CORO7: variants seen among roughly 807,000 people sequenced by gnomAD.
The protein encoded by CORO7 is coronin 7.
A neutral mutation model predicts 126.6 loss-of-function variants in CORO7; 107 were observed. The ratio of observed to expected loss-of-function variants is 0.85; its 90% CI spans 0.72 to 0.99. CORO7 has a LOEUF of 0.99. Among genes scored for constraint, CORO7 ranks in the 50% least tolerant of loss-of-function variants. CORO7 has a pLI of 0.00. For missense variants in CORO7, 1,314 were observed against 1,255.8 expected, an observed-to-expected ratio of 1.05 and a Z score of -0.70; for synonymous variants, 603 against 536.8, an observed-to-expected ratio of 1.12 and a Z score of -1.70.
chr16:4,415,254 C>T (rs889207838), intron 1 of CORO7, among the ~76,000 whole-genome samples: 14 of 152,162 alleles, frequency 9.2e-5, no homozygotes, highest in African/African-American at 3.4e-4. Flanking sequence ...ACTCATCTGT[C>T]ACCATACTGC....
chr16:4,357,325 CG>C lies in CORO7; in HGVS notation c.2594-67del. The C allele has an allele frequency of 5.7e-6, 7 of 1,230,216 alleles. No individual in the cohort carries two copies. The Middle Eastern group carries it at 6.1e-4, about 106-fold the overall frequency. The allele number at this position is 1,230,216 out of a possible 1,614,324, so 76.2% of individuals were successfully genotyped here. A position where few individuals can be genotyped will look rare whatever the true frequency, so the allele number is the denominator to read the frequency against. ...TTAGGGCTCTTTGGTGCCAAGCCCT[CG>C]GGGATTTCTTTCTTTCTTTTCTTTC... On this transcript the variant is annotated intron_variant, in intron 25 of 27. Transcript: ENST00000251166.
chr16:4,378,511 A>G (rs1466409149), intron 9 of CORO7, among the ~76,000 whole-genome samples: 2 of 152,104 alleles, frequency 1.3e-5, no homozygotes, highest in African/African-American at 4.8e-5. Context: ...CCACATCTGG[A>G]GGCCAGGCCG....
intron 9 of CORO7, among the ~76,000 whole-genome samples, chr16:4,374,063 T>A (rs1191568295): frequency 6.6e-6 from 1 of 150,618 alleles, no homozygotes; most frequent in Non-Finnish European, 1.5e-5. Flanking sequence ...TTGCGTGAGT[T>A]CTTGGAGAAG....
At chr16:4,391,958 C>T (rs1274833943) in intron 7 of CORO7, among the ~76,000 whole-genome samples, 1 of 152,208 alleles carries the variant, frequency 6.6e-6, no homozygotes, top group Non-Finnish European at 1.5e-5. Flanking sequence ...CCTTCATCAC[C>T]ATGGCGACAC....
intron 7 of CORO7, among the ~76,000 whole-genome samples, chr16:4,393,222 A>G (rs2055460587): frequency 6.6e-6 from 1 of 152,194 alleles, no homozygotes; most frequent in Non-Finnish European, 1.5e-5. Flanking sequence ...GCAACCTGAG[A>G]AAGTGAAGGG....
chr16:4,360,202 C>T, intron 21 of CORO7, 76 bp downstream of exon 21: 8 of 1,593,834 alleles, frequency 5.0e-6, no homozygotes, highest in Non-Finnish European at 6.9e-6. Flanking sequence ...GAAAGCCTGA[C>T]AAATGTATGT....
At chr16:4,408,303 T>C in intron 3 of CORO7, 52 bp from the exon 4 acceptor site, 1 of 1,613,238 alleles carries the variant, frequency 6.2e-7, no homozygotes, top group Non-Finnish European at 8.5e-7. Flanking sequence ...TCCAACCCAG[T>C]ATGAAGCAAA....
chr16:4,394,168 G>A (rs775027607), intron 7 of CORO7, among the ~76,000 whole-genome samples: 13 of 150,348 alleles, frequency 8.6e-5, no homozygotes, highest in African/African-American at 1.5e-4. Flanking sequence ...AATGGTGGCC[G>A]GACACGGTGG....
chr16:4,382,627 G>T (rs374950103), intron 9 of CORO7: 2 of 1,571,808 alleles, frequency 1.3e-6, no homozygotes, highest in South Asian at 1.2e-5. Flanking sequence ...CGCCCTGGCC[G>T]CGGTGCTCCT....
At chr16:4,381,200 C>G in intron 9 of CORO7, 1 of 1,612,198 alleles carries the variant, frequency 6.2e-7, no homozygotes, top group Non-Finnish European at 8.5e-7. Flanking sequence ...CTGGACCTGA[C>G]AGCCAACAGG....
chr16:4,360,684 G>GCCTCTCCTCACTGCTGGCCCC, intron 19 of CORO7, 136 bp from the exon 20 acceptor site: 1 of 1,319,492 alleles, frequency 7.6e-7, no homozygotes, highest in South Asian at 1.4e-5. Flanking sequence ...TGCTGGTCTT[G>GCCTCTCCTCACTGCTGGCCCC]CCTCTCCTCA....
intron 9 of CORO7, chr16:4,381,535 G>A (rs1393102857): frequency 1.1e-5 from 17 of 1,603,972 alleles, no homozygotes; most frequent in South Asian, 2.2e-5. Flanking sequence ...CAACCTCCAC[G>A]ACCTGGATGT....
chr16:4,390,735 A>C (rs1192718334), intron 7 of CORO7, among the ~76,000 whole-genome samples: 1 of 152,190 alleles, frequency 6.6e-6, no homozygotes, highest in Non-Finnish European at 1.5e-5. Flanking sequence ...GCCTAAAGGC[A>C]CAGAGAGACG....
At chr16:4,393,080 A>G (rs1212070299) in intron 7 of CORO7, among the ~76,000 whole-genome samples, 1 of 152,184 alleles carries the variant, frequency 6.6e-6, no homozygotes, top group African/African-American at 2.4e-5. Context: ...GGAAGGCTGG[A>G]AAGAGGGGGC....
chr16:4,405,137 C>G (rs2141312862), intron 6 of CORO7, among the ~76,000 whole-genome samples: 1 of 152,352 alleles, frequency 6.6e-6, no homozygotes, highest in East Asian at 1.9e-4. Context: ...CAACTGGGGC[C>G]TGGCCCAGCA....
chr16:4,372,681 G>A (rs1000948203), intron 9 of CORO7, among the ~76,000 whole-genome samples: 1 of 152,214 alleles, frequency 6.6e-6, no homozygotes, highest in Non-Finnish European at 1.5e-5. Context: ...GGCTGGCAGT[G>A]CTGGGGCCTG....
At chr16:4,373,471 C>T (rs1016923618) in intron 9 of CORO7, among the ~76,000 whole-genome samples, 4 of 152,094 alleles carry the variant, frequency 2.6e-5, no homozygotes, top group African/African-American at 9.7e-5. Flanking sequence ...CCAGATGGCA[C>T]CTCTCTCTCC....
In CORO7 at chr16:4,355,144, G is replaced by C. The variant is rs765724178; in HGVS notation, c.*14C>G. ...GTGGCAGCACAGGTGAGGTGGAGGT[G>C]ACGGGGGCGCAGGCTAGTCCTGGGG... On this transcript the variant is annotated 3_prime_UTR_variant, in exon 28 of 28. Transcript: ENST00000251166. The C allele has an allele frequency of 6.6e-7, 1 of 1,504,172 alleles. No individual in the cohort carries two copies. The highest frequency in any genetic ancestry group is 2.2e-5 in the Admixed American group (1 of 46,242). 93.2% of individuals were successfully genotyped at this position (1,504,172 alleles called of 1,614,324 possible).
At chr16:4,400,814 A>ATAAT (rs1385515498) in intron 6 of CORO7, among the ~76,000 whole-genome samples, 1 of 148,790 alleles carries the variant, frequency 6.7e-6, no homozygotes, top group Non-Finnish European at 1.5e-5. Flanking sequence ...AATAATAATA[A>ATAAT]TAATAATAAT....
Sources: allele counts gnomAD v4.1 joint callset (sites outside exome capture counted in the v4.1 genomes callset), GRCh38; gene constraint gnomAD v4.1.1; transcripts MANE v1.5; gene names NCBI Gene and HGNC (gene_info 2026-07-23, HGNC 2026-07-21).